The following PWWP3A variants were observed in gnomAD, a reference collection of about 807,000 sequenced individuals.
PWWP3A encodes the protein PWWP domain-containing DNA repair factor 3A.
PWWP3A carries 53 observed loss-of-function variants against 79.0 expected under a neutral mutation model. That is an observed-to-expected ratio of 0.67 (90% CI 0.54 to 0.84). PWWP3A has a LOEUF of 0.84. Ranked by LOEUF, PWWP3A falls within the 40% of genes least tolerant of loss-of-function variation. The probability of loss-of-function intolerance (pLI) is 0.00; values close to 1 mark genes in which losing one functional copy is unlikely to be tolerated. For synonymous variants in PWWP3A, 443 were observed against 394.4 expected, an observed-to-expected ratio of 1.12 and a Z score of -1.46; for missense variants, 973 against 948.0, an observed-to-expected ratio of 1.03 and a Z score of -0.35.
chr19:1,355,399 C>T (rs1049701047), intron 1 of PWWP3A, among the ~76,000 whole-genome samples: 7 of 151,140 alleles, frequency 4.6e-5, no homozygotes, highest in African/African-American at 1.5e-4. Flanking sequence ...GCTGCCTGGA[C>T]CCCTATCTCC....
chr19:1,365,748 T>G (rs1190423334), intron 7 of PWWP3A, among the ~76,000 whole-genome samples: 1 of 152,226 alleles, frequency 6.6e-6, no homozygotes, highest in Non-Finnish European at 1.5e-5. Context: ...GTCACTGATG[T>G]GACAGGTTCC....
chr19:1,364,923 A>G (rs889224269), intron 7 of PWWP3A, among the ~76,000 whole-genome samples: 4 of 152,178 alleles, frequency 2.6e-5, no homozygotes, highest in African/African-American at 4.8e-5. Context: ...GTTCGAGACC[A>G]GCCTGGCCAA....
In PWWP3A at chr19:1,373,073, C is replaced by G; in HGVS notation, c.1988C>G (p.Ala663Gly). 1.2e-6 allele frequency: 2 copies of G among 1,614,034 alleles called. No individual in the cohort carries two copies. The highest frequency in any genetic ancestry group is 1.7e-6 in the Non-Finnish European group (2 of 1,179,962). ...RFILDVLLPE[A>G]IICAISAVDE... ...ATTGAGCCCCGTGCCCTCTCACAGG[C>G]CATCATCTGTGCGATCTCTGCGGTG... Residue 663 changes from alanine (A) to glycine (G), a missense_variant and splice_region_variant, in exon 13 of 14, where the codon GCC becomes GGC. Coordinates refer to ENST00000591337, the MANE Select transcript of PWWP3A (RefSeq NM_001369789.1).
intron 12 of PWWP3A, among the ~76,000 whole-genome samples, chr19:1,371,833 A>T (rs1483673919): frequency 5.0e-4 from 56 of 112,084 alleles, no homozygotes; most frequent in African/African-American, 1.8e-3. Context: ...TTTGAGTTGG[A>T]GTCTCGCTCT....
At chr19:1,356,252 C>G (rs1861658084) in intron 1 of PWWP3A, 72 bp from the exon 2 acceptor site, 1 of 784,822 alleles carries the variant, frequency 1.3e-6, no homozygotes, top group Non-Finnish European at 2.2e-6. Context: ...TAACCTTTGC[C>G]CCTGAGGGCT....
chr19:1,376,441 A>C, intron 13 of PWWP3A, 78 bp from the exon 14 acceptor site: 2 of 1,483,500 alleles, frequency 1.3e-6, no homozygotes, highest in South Asian at 2.3e-5. Context: ...GGCGTGAGCG[A>C]CCACACCCAG....
In PWWP3A at chr19:1,369,592, G is replaced by C. The variant is rs544205760; in HGVS notation, c.1499-4G>C. The C allele has an allele frequency of 1.2e-6, 2 of 1,614,212 alleles. No homozygotes were observed. The highest frequency in any genetic ancestry group is 1.7e-6 in the Non-Finnish European group (2 of 1,180,028). Reference sequence around the variant, plus strand: ...CAGTGCTCTCTCCCCTCCACCCCCTGCAGGCTGCGGGTCTTTTGCTGGCTC... The same window carrying C: ...CAGTGCTCTCTCCCCTCCACCCCCTCCAGGCTGCGGGTCTTTTGCTGGCTC... On this transcript the variant is annotated splice_polypyrimidine_tract_variant and splice_region_variant and intron_variant, in intron 10 of 13. Coordinates refer to ENST00000591337, the MANE Select transcript of PWWP3A (RefSeq NM_001369789.1). This position sits in a 1 kb window ranked among gnomAD's most constrained non-coding sequence, Gnocchi z 4.0.
chr19:1,358,790 T>C (rs1240733521), intron 4 of PWWP3A: 1 of 743,844 alleles, frequency 1.3e-6, no homozygotes. Context: ...GGTCCTCCTT[T>C]TTCCTTTCCT....
rs773229286 is a variant in PWWP3A at position 1,361,763 on chromosome 19, C to T, written c.1112-487C>T. ...CCTACCCTGTTCCATAGTCAGCTCC[C>T]GTCCCGGCCCCCTCCCTGCGTATCC... On this transcript the variant is annotated intron_variant, in intron 5 of 13. Coordinates refer to ENST00000591337, the MANE Select transcript of PWWP3A (RefSeq NM_001369789.1). 2.5e-4 allele frequency: 39 copies of T among 158,650 alleles called. No homozygotes were observed. In the South Asian group the frequency reaches 2.7e-3, roughly 11 times the overall value. The allele number at this position is 158,650 out of a possible 1,614,324, so 9.8% of individuals were successfully genotyped here. A position where few individuals can be genotyped will look rare whatever the true frequency, so the allele number is the denominator to read the frequency against.
At chr19:1,371,362 G>T (rs1216316732) in intron 12 of PWWP3A, 1 of 703,550 alleles carries the variant, frequency 1.4e-6, no homozygotes, top group Admixed American at 2.0e-5. Context: ...CCCTACTGCG[G>T]GCGCACAGAT....
Position 1,360,610 on chromosome 19 carries a change from A to G in PWWP3A, c.689A>G (p.Asn230Ser), listed in dbSNP as rs377592826. The change falls in exon 5 of 14, where the codon AAT becomes AGT. Residue 230 changes from asparagine to serine, a missense_variant. Transcript: ENST00000591337. The surrounding 1 kb of genome is among the most constrained non-coding windows in gnomAD (Gnocchi z 4.4). ...GCGCAGAAGGCTAGCTTGTGCCTGAATGGATCTTCCCTTTCAGAGGACGAC... is the reference window on the plus strand; with the variant it reads ...GCGCAGAAGGCTAGCTTGTGCCTGAGTGGATCTTCCCTTTCAGAGGACGAC... ...NSAQKASLCL[N>S]GSSLSEDDTE... The G allele has an allele frequency of 1.1e-5, 17 of 1,614,034 alleles. No homozygotes were observed. Among genetic ancestry groups the G allele is most frequent in the Non-Finnish European group, 1.3e-5 (15 of 1,179,996 alleles).
intron 7 of PWWP3A, among the ~76,000 whole-genome samples, 199 bp from the exon 8 acceptor site, chr19:1,366,106 A>C (rs1052333678): frequency 9.9e-5 from 15 of 152,272 alleles, no homozygotes; most frequent in African/African-American, 2.4e-5. Context: ...GATTCCGCTC[A>C]GATGGGAAAA....
At chr19:1,375,799 T>C (rs924754292) in intron 13 of PWWP3A, among the ~76,000 whole-genome samples, 19 of 99,654 alleles carry the variant, frequency 1.9e-4, no homozygotes, top group African/African-American at 6.3e-4. Context: ...CACACACATA[T>C]GTATTTATTT....
chr19:1,375,564 A>AT (rs2082359277), intron 13 of PWWP3A, among the ~76,000 whole-genome samples: 1 of 1,486 alleles, frequency 6.7e-4, no homozygotes, highest in African/African-American at 2.1e-3. Flanking sequence ...TATTATATAT[A>AT]AAATATATTA....
In PWWP3A at chr19:1,369,574, C is replaced by G. The variant is rs760121410; in HGVS notation, c.1499-22C>G. The G allele has an allele frequency of 5.0e-6, 8 of 1,613,962 alleles. No individual in the cohort carries two copies. In the South Asian group the frequency reaches 7.7e-5, roughly 16 times the overall value. On this transcript the variant is annotated intron_variant, in intron 10 of 13. Coordinates refer to ENST00000591337, the MANE Select transcript of PWWP3A (RefSeq NM_001369789.1). This position sits in a 1 kb window ranked among gnomAD's most constrained non-coding sequence, Gnocchi z 4.0. The stretch of plus-strand genomic sequence containing the variant: ...ACTCCTCTTAGGTCTACACAGTGCT[C>G]TCTCCCCTCCACCCCCTGCAGGCTG...
chr19:1,371,448 TA>T (rs1568956602), intron 12 of PWWP3A: 1 of 700,352 alleles, frequency 1.4e-6, no homozygotes, highest in African/African-American at 1.7e-5. Context: ...TCGCATTTAG[TA>T]CCCAGATAAA....
chr19:1,356,429 A>G lies in PWWP3A; in HGVS notation c.37A>G (p.Lys13Glu), dbSNP rs1364434643. The change falls in exon 2 of 14, where the codon AAG (lysine) becomes GAG (glutamate). Residue 13 changes from lysine to glutamate, a missense_variant. Transcript: ENST00000591337. ...DAKYVLCRWE[K>E]RLWPAKVLAR... is the part of the protein sequence containing the mutation. ...CAAGTATGTCCTCTGCCGATGGGAAAAGCGATTATGGCCTGCGAAGGTGAC... is the reference window on the plus strand; with the variant it reads ...CAAGTATGTCCTCTGCCGATGGGAAGAGCGATTATGGCCTGCGAAGGTGAC... 6.2e-7 allele frequency: 1 copy of G among 1,614,214 alleles called. No individual in the cohort carries two copies. Among genetic ancestry groups the G allele is most frequent in the African/African-American group, 1.3e-5 (1 of 75,062 alleles).
chr19:1,370,535 G>A (rs2082229803), intron 11 of PWWP3A, 107 bp from the exon 12 acceptor site: 3 of 1,035,448 alleles, frequency 2.9e-6, no homozygotes, highest in Non-Finnish European at 4.1e-6. Context: ...GATCGCTAGG[G>A]TCTGCCCCCA....
chr19:1,371,345 ACTCC>A (rs1357459198), intron 12 of PWWP3A: 5 of 703,842 alleles, frequency 7.1e-6, no homozygotes, highest in South Asian at 1.5e-5. Context: ...GGGGGTGCGA[ACTCC>A]CTCCCTACTG....
Sources: gnomAD v4.1 joint callset for allele counts (sites outside exome capture counted in the v4.1 genomes callset) on GRCh38, gnomAD v4.1.1 for gene constraint, Gnocchi (gnomAD v3.1) non-coding constraint, MANE v1.5 for transcripts, NCBI Gene and HGNC (gene_info 2026-07-23, HGNC 2026-07-21) for gene names.